Variants in STAG1 observed in about 807,000 individuals in gnomAD.
The protein encoded by STAG1 is cohesin subunit SA-1.
Under a neutral mutation model 170.9 loss-of-function variants are expected in STAG1, and 26 were observed. The observed-to-expected ratio is 0.15, with a 90% CI of 0.11 to 0.21. The LOEUF (loss-of-function observed/expected upper bound fraction) is 0.21. Among genes scored for constraint, STAG1 ranks in the 10% least tolerant of loss-of-function variants. The pLI is 1.00. For missense variants in STAG1, 964 were observed against 1,509.5 expected (o/e 0.64, Z 5.99); for synonymous variants, 514 against 497.7 (o/e 1.03, Z -0.44).
In STAG1 at chr3:136,751,184, T is replaced by G. The variant is rs1026841596; in HGVS notation, c.-84+1011A>C. 2.5e-3 allele frequency among the ~76,000 whole-genome samples: 368 copies of G among 146,560 alleles called. 1 individual carries two copies. Among genetic ancestry groups the G allele is most frequent in the African/African-American group, 9.3e-3 (340 of 36,528 alleles). On this transcript the variant is annotated intron_variant, in intron 1 of 33. Transcript: ENST00000383202. Reference sequence around the variant, plus strand: ...TATGACAAATTGCGTTTTTTTTTTTTGTTTTTTTTTTGTCTGTAAGTGTCC... The same window carrying G: ...TATGACAAATTGCGTTTTTTTTTTTGGTTTTTTTTTTGTCTGTAAGTGTCC...
intron 1 of STAG1, among the ~76,000 whole-genome samples, chr3:136,664,615 C>G (rs1434449205): frequency 1.3e-5 from 2 of 152,138 alleles, no homozygotes; most frequent in African/African-American, 4.8e-5. Context: ...TTTAGAACCA[C>G]AGATATACTA....
chr3:136,468,464 C>A (rs188528132), intron 12 of STAG1, among the ~76,000 whole-genome samples: 1 of 152,022 alleles, frequency 6.6e-6, no homozygotes, highest in African/African-American at 2.4e-5. Context: ...CAGGAAGAAG[C>A]TGAATCCCTG....
At chr3:136,515,031 G>T (rs1934282978) in intron 7 of STAG1, among the ~76,000 whole-genome samples, 1 of 151,990 alleles carries the variant, frequency 6.6e-6, no homozygotes, top group Non-Finnish European at 1.5e-5. Flanking sequence ...TGCACATTGT[G>T]CACATGTACC....
At chr3:136,740,199 C>T (rs936580983) in intron 1 of STAG1, among the ~76,000 whole-genome samples, 10 of 151,350 alleles carry the variant, frequency 6.6e-5, no homozygotes, top group African/African-American at 2.4e-4. Flanking sequence ...GCCAAGATCA[C>T]ACCACTGCAC....
At chr3:136,348,333 TC>T (rs533488979) in intron 29 of STAG1, among the ~76,000 whole-genome samples, 1 of 151,766 alleles carries the variant, frequency 6.6e-6, no homozygotes, top group Admixed American at 6.6e-5. Context: ...CTACTGTTGA[TC>T]AGATTTTCAT....
intron 5 of STAG1, 104 bp from the exon 6 acceptor site, chr3:136,542,299 ACCTT>A: frequency 2.6e-6 from 2 of 777,870 alleles, no homozygotes; most frequent in Non-Finnish European, 4.2e-6. Flanking sequence ...CAAAAGAATA[ACCTT>A]CCAACATATA....
chr3:136,451,785 T>C (rs1047408450), intron 14 of STAG1, among the ~76,000 whole-genome samples: 5 of 151,514 alleles, frequency 3.3e-5, no homozygotes, highest in Admixed American at 6.6e-5. Context: ...AAAAAAGATA[T>C]GCAGTATTGC....
intron 1 of STAG1, among the ~76,000 whole-genome samples, chr3:136,664,316 T>C (rs764237927): frequency 1.3e-5 from 2 of 152,188 alleles, no homozygotes; most frequent in East Asian, 1.9e-4. Flanking sequence ...CTATGGAACA[T>C]AGTGCATAAA....
chr3:136,646,713 C>T (rs533670345), intron 1 of STAG1, among the ~76,000 whole-genome samples: 2 of 152,182 alleles, frequency 1.3e-5, no homozygotes, highest in South Asian at 4.1e-4. Context: ...CAAGATCAGC[C>T]TGGCCAACAT....
chr3:136,381,115 C>T (rs1401869707), intron 22 of STAG1, among the ~76,000 whole-genome samples: 4 of 151,572 alleles, frequency 2.6e-5, no homozygotes, highest in Non-Finnish European at 5.9e-5. Flanking sequence ...TTTGAGATCC[C>T]TAATAGATAT....
rs552532028 is a variant in STAG1 at position 136,469,541 on chromosome 3, T to C, written c.1205+2872A>G. On this transcript the variant is annotated intron_variant, in intron 12 of 33. Transcript: ENST00000383202. Reference sequence around the variant, plus strand: ...TCATGGATAGGAATAATCAATATCGTGAAAATGGCCATACTGCCCAAGGTA... The same window carrying C: ...TCATGGATAGGAATAATCAATATCGCGAAAATGGCCATACTGCCCAAGGTA... Among the ~76,000 whole-genome samples the C allele has an allele frequency of 7.9e-5, 12 of 152,254 alleles. No homozygotes were observed. The East Asian group carries it at 1.5e-3, about 20-fold the overall frequency.
rs2089411417 is a variant in STAG1 at position 136,464,997 on chromosome 3, T to C, written c.1206-9A>G. The C allele has an allele frequency of 1.3e-6, 2 of 1,590,906 alleles. No individual in the cohort carries two copies. The highest frequency in any genetic ancestry group is 1.7e-6 in the Non-Finnish European group (2 of 1,165,858). On this transcript the variant is annotated splice_polypyrimidine_tract_variant and intron_variant, in intron 12 of 33. Transcript: ENST00000383202. Reference sequence around the variant, plus strand: ...GAGCTTCTTCACTTCCACTGAAAAATACAGAAAGTAACATCTGATCTAAAG... The same window carrying C: ...GAGCTTCTTCACTTCCACTGAAAAACACAGAAAGTAACATCTGATCTAAAG...
chr3:136,580,258 C>T (rs565212203), intron 4 of STAG1, among the ~76,000 whole-genome samples: 27 of 151,702 alleles, frequency 1.8e-4, no homozygotes, highest in Admixed American at 1.6e-3. Flanking sequence ...TGAGCCACCG[C>T]GCCCGGCTCA....
intron 1 of STAG1, among the ~76,000 whole-genome samples, chr3:136,748,268 G>C (rs2107959371): frequency 6.6e-6 from 1 of 151,950 alleles, no homozygotes; most frequent in South Asian, 2.1e-4. Context: ...AGGTGTACTG[G>C]CACATGCCTA....
chr3:136,366,907 TAGAG>T (rs1937093946), intron 25 of STAG1, 32 bp downstream of exon 25: 1 of 1,524,868 alleles, frequency 6.6e-7, no homozygotes, highest in East Asian at 2.3e-5. Flanking sequence ...CTCTGCCAGT[TAGAG>T]GAAGGAGAAA....
chr3:136,726,153 T>C (rs770007498), intron 1 of STAG1, among the ~76,000 whole-genome samples: 3 of 152,168 alleles, frequency 2.0e-5, no homozygotes, highest in Non-Finnish European at 4.4e-5. Context: ...TTGCCACTAG[T>C]GACATTTTGG....
chr3:136,713,645 T>C (rs1401393924), intron 1 of STAG1, among the ~76,000 whole-genome samples: 1 of 151,606 alleles, frequency 6.6e-6, no homozygotes, highest in Non-Finnish European at 1.5e-5. Flanking sequence ...CCCAACACTT[T>C]AGGAGACTGA....
intron 1 of STAG1, among the ~76,000 whole-genome samples, chr3:136,705,339 C>T (rs1437379233): frequency 6.6e-6 from 1 of 151,302 alleles, no homozygotes; most frequent in East Asian, 2.0e-4. Flanking sequence ...CAATGTAATA[C>T]ATGATATTAA....
intron 1 of STAG1, among the ~76,000 whole-genome samples, chr3:136,699,821 A>G (rs1942998859): frequency 1.3e-5 from 2 of 152,186 alleles, no homozygotes; most frequent in Non-Finnish European, 2.9e-5. Flanking sequence ...GACAACCACT[A>G]AATTAAAATA....
Sources: gnomAD v4.1 joint callset for allele counts (sites outside exome capture counted in the v4.1 genomes callset) on GRCh38, gnomAD v4.1.1 for gene constraint, MANE v1.5 for transcripts, NCBI Gene and HGNC (gene_info 2026-07-23, HGNC 2026-07-21) for gene names.